Variants in ZBTB20 observed in about 807,000 individuals in gnomAD.
ZBTB20 encodes the protein zinc finger and BTB domain-containing protein 20.
Under a neutral mutation model 56.9 loss-of-function variants are expected in ZBTB20, and 9 were observed. The observed-to-expected ratio is 0.16, with a 90% CI of 0.10 to 0.28. The LOEUF is 0.28. ZBTB20 is among the 10% of genes least tolerant of loss of function. The probability of loss-of-function intolerance (pLI) is 1.00; values close to 1 mark genes in which losing one functional copy is unlikely to be tolerated. For synonymous variants in ZBTB20, 417 were observed against 420.7 expected (o/e 0.99, Z 0.11); for missense variants, 655 against 1,003.0 (o/e 0.65, Z 4.69).
At chr3:114,717,695 G>A (rs976403073) in intron 5 of ZBTB20, among the ~76,000 whole-genome samples, 5 of 152,082 alleles carry the variant, frequency 3.3e-5, no homozygotes, top group South Asian at 4.2e-4. Flanking sequence ...AAAATTGTCC[G>A]TATTAGTTAT....
intron 4 of ZBTB20, among the ~76,000 whole-genome samples, chr3:114,871,768 TTTC>T (rs2076020808): frequency 6.6e-6 from 1 of 152,154 alleles, no homozygotes; most frequent in Non-Finnish European, 1.5e-5. Flanking sequence ...AGTCTTATTA[TTTC>T]TTCTTCATAA....
Position 114,498,973 on chromosome 3 carries a change from C to T in ZBTB20, c.-255+1379G>A, listed in dbSNP as rs527982704. Among the ~76,000 whole-genome samples the T allele has an allele frequency of 4.0e-4, 61 of 152,288 alleles. 1 individual carries two copies. Among genetic ancestry groups the T allele is most frequent in the African/African-American group, 1.2e-3 (48 of 41,558 alleles). On this transcript the variant is annotated intron_variant, in intron 7 of 11. Transcript: ENST00000675478. ...GGTGATGTGAGGATTAATGCCTTGT[C>T]TAACACAGAGCTATTATGTGAACTG...
chr3:114,457,475 A>G (rs1362087687), intron 7 of ZBTB20, among the ~76,000 whole-genome samples: 1 of 152,162 alleles, frequency 6.6e-6, no homozygotes, highest in African/African-American at 2.4e-5. Context: ...TAATATACAG[A>G]TCTCTACTAG....
In ZBTB20 at chr3:114,439,928, C is replaced by G. The variant is rs979748321; in HGVS notation, c.-254-50823G>C. On this transcript the variant is annotated intron_variant, in intron 7 of 11. Transcript: ENST00000675478. ...TTTTATTTGGCTTAATAGGTTTGTA[C>G]TGCTGCTCTGCATAAGGCCATTAGG... 3.3e-5 allele frequency among the ~76,000 whole-genome samples: 5 copies of G among 152,124 alleles called. No individual in the cohort carries two copies. In the East Asian group the frequency reaches 5.8e-4, roughly 18 times the overall value.
intron 6 of ZBTB20, among the ~76,000 whole-genome samples, chr3:114,552,079 G>T (rs1345425501): frequency 6.6e-6 from 1 of 152,154 alleles, no homozygotes; most frequent in Non-Finnish European, 1.5e-5. Context: ...TTTGGGCATG[G>T]TTGCTCATGT....
At chr3:114,753,352 A>C (rs954087320) in intron 5 of ZBTB20, among the ~76,000 whole-genome samples, 3 of 87,740 alleles carry the variant, frequency 3.4e-5, no homozygotes, top group Non-Finnish European at 4.8e-5. Context: ...ATATGTATAC[A>C]TTATATATAA....
intron 7 of ZBTB20, among the ~76,000 whole-genome samples, chr3:114,499,027 T>A (rs544283101): frequency 6.6e-6 from 1 of 152,166 alleles, no homozygotes; most frequent in Admixed American, 6.5e-5. Context: ...GTAACAAAAA[T>A]GATTTGCCAG....
intron 6 of ZBTB20, among the ~76,000 whole-genome samples, chr3:114,526,636 A>G (rs768402690): frequency 9.2e-5 from 14 of 152,244 alleles, no homozygotes; most frequent in Non-Finnish European, 1.6e-4. Flanking sequence ...CTAACCTTTT[A>G]CCAGGTTTTG....
intron 6 of ZBTB20, chr3:114,529,093 CTG>C (rs2047549553): frequency 1.3e-5 from 2 of 152,196 alleles, no homozygotes; most frequent in Admixed American, 1.3e-4. Flanking sequence ...TATTCAATAA[CTG>C]TTTTACTTTT....
At chr3:114,445,308 A>G (rs1298244504) in intron 7 of ZBTB20, among the ~76,000 whole-genome samples, 1 of 152,176 alleles carries the variant, frequency 6.6e-6, no homozygotes, top group Non-Finnish European at 1.5e-5. Flanking sequence ...CTTATTTTCC[A>G]CATCTGTTAA....
intron 4 of ZBTB20, among the ~76,000 whole-genome samples, chr3:114,809,146 C>G (rs2072334258): frequency 6.6e-6 from 1 of 151,680 alleles, no homozygotes; most frequent in Admixed American, 6.6e-5. Flanking sequence ...TATAATGTGT[C>G]TATGTACAGA....
chr3:115,135,731 T>C (rs570434842), intron 1 of ZBTB20, among the ~76,000 whole-genome samples: 6 of 152,288 alleles, frequency 3.9e-5, no homozygotes, highest in South Asian at 2.1e-4. Context: ...ACCCTCTATA[T>C]TGTTCACAAC....
At chr3:115,065,224 TTTC>T (rs1165461905) in intron 2 of ZBTB20, among the ~76,000 whole-genome samples, 1 of 152,190 alleles carries the variant, frequency 6.6e-6, no homozygotes, top group African/African-American at 2.4e-5. Context: ...TCTCTGGTTA[TTTC>T]TTCTTTTTAT....
At chr3:114,609,617 A>G (rs1298843412) in intron 6 of ZBTB20, among the ~76,000 whole-genome samples, 2 of 152,242 alleles carry the variant, frequency 1.3e-5, no homozygotes, top group African/African-American at 4.8e-5. Flanking sequence ...TTGTAGGGAT[A>G]TAACTGCTGC....
chr3:114,752,110 AAATAT>A (rs2067607597), intron 5 of ZBTB20, among the ~76,000 whole-genome samples: 1 of 152,302 alleles, frequency 6.6e-6, no homozygotes, highest in African/African-American at 2.4e-5. Flanking sequence ...TAATTTCTCA[AAATAT>A]TACATGAGGT....
At chr3:114,357,664 T>G (rs545472280) in intron 10 of ZBTB20, among the ~76,000 whole-genome samples, 8 of 152,316 alleles carry the variant, frequency 5.3e-5, no homozygotes, top group African/African-American at 1.9e-4. Flanking sequence ...GGGGTCTGTG[T>G]TTTCCCCAAA....
chr3:114,444,273 G>A (rs890752911), intron 7 of ZBTB20, among the ~76,000 whole-genome samples: 4 of 152,144 alleles, frequency 2.6e-5, no homozygotes, highest in South Asian at 2.1e-4. Context: ...TTTTGGTGGC[G>A]ATAGAGGGAG....
intron 5 of ZBTB20, among the ~76,000 whole-genome samples, chr3:114,721,863 TAAA>T (rs1056583207): frequency 1.9e-4 from 29 of 152,184 alleles, no homozygotes; most frequent in African/African-American, 6.3e-4. Context: ...AAGAAGGAAA[TAAA>T]GAAGATCTTC....
intron 6 of ZBTB20, among the ~76,000 whole-genome samples, chr3:114,592,619 C>A (rs2055886633): frequency 1.3e-5 from 2 of 152,210 alleles, no homozygotes; most frequent in Non-Finnish European, 2.9e-5. Context: ...CCATAGAGCA[C>A]CATTTGTGCA....
Sources: gnomAD v4.1 joint callset for allele counts (sites outside exome capture counted in the v4.1 genomes callset) on GRCh38, gnomAD v4.1.1 for gene constraint, MANE v1.5 for transcripts, NCBI Gene and HGNC (gene_info 2026-07-23, HGNC 2026-07-21) for gene names.